SVIL: variants seen among roughly 807,000 people sequenced by gnomAD.
The protein encoded by SVIL is supervillin, also known as archvillin.
Under a neutral mutation model 240.4 loss-of-function variants are expected in SVIL, and 101 were observed. That is an observed-to-expected ratio of 0.42 (90% CI 0.36 to 0.50). The LOEUF is 0.50. Among genes scored for constraint, SVIL ranks in the 20% least tolerant of loss-of-function variants. The pLI, the probability that SVIL is intolerant of heterozygous loss-of-function variation, is 0.01. For missense variants in SVIL, 2,512 were observed against 2,818.7 expected, an observed-to-expected ratio of 0.89 and a Z score of 2.46; for synonymous variants, 999 against 1,100.0, an observed-to-expected ratio of 0.91 and a Z score of 1.82.
At chr10:29,545,853 C>CAAAAAAAAAAAAAAAAAAAAAAAAAA (rs755360700) in intron 6 of SVIL, among the ~76,000 whole-genome samples, 2 of 63,590 alleles carry the variant, frequency 3.1e-5, no homozygotes, top group African/African-American at 6.9e-5. Flanking sequence ...GACTCTGTCT[C>CAAAAAAAAAAAAAAAAAAAAAAAAAA]AAAAAAAAAA....
At chr10:29,682,994 T>C (rs1960782192) in intron 2 of SVIL, among the ~76,000 whole-genome samples, 1 of 152,124 alleles carries the variant, frequency 6.6e-6, no homozygotes, top group Non-Finnish European at 1.5e-5. Flanking sequence ...CTGAGCCAAA[T>C]ATGAGTGGCC....
intron 30 of SVIL, among the ~76,000 whole-genome samples, chr10:29,472,206 G>A (rs901977295): frequency 2.6e-5 from 4 of 152,234 alleles, no homozygotes; most frequent in Admixed American, 2.6e-4. Context: ...TCAAAACTCT[G>A]AGGATGATTT....
intron 10 of SVIL, 94 bp downstream of exon 10, chr10:29,531,160 A>T: frequency 8.2e-7 from 1 of 1,224,078 alleles, no homozygotes; most frequent in East Asian, 2.4e-5. Flanking sequence ...GTTATGCTCC[A>T]TCATCTTACT....
At chr10:29,571,311 G>A (rs1219198210) in intron 1 of SVIL, among the ~76,000 whole-genome samples, 16 of 152,190 alleles carry the variant, frequency 1.1e-4, no homozygotes, top group Admixed American at 1.0e-3. Flanking sequence ...GATGACCAAG[G>A]CAAAGCCATG....
intron 16 of SVIL, among the ~76,000 whole-genome samples, chr10:29,517,670 C>T (rs1320137718): frequency 6.6e-6 from 1 of 152,116 alleles, no homozygotes; most frequent in Non-Finnish European, 1.5e-5. Context: ...GCCGGTCCCT[C>T]TAGGGCAGAA....
At chr10:29,586,042 A>G (rs1232433073) in intron 1 of SVIL, among the ~76,000 whole-genome samples, 1 of 152,246 alleles carries the variant, frequency 6.6e-6, no homozygotes, top group Non-Finnish European at 1.5e-5. Context: ...TGCCGTCTTC[A>G]CTAACTTTCA....
intron 3 of SVIL, among the ~76,000 whole-genome samples, chr10:29,642,415 G>T (rs1027680832): frequency 7.4e-6 from 1 of 134,350 alleles, no homozygotes; most frequent in Non-Finnish European, 1.6e-5. Flanking sequence ...AAGAGAGAGA[G>T]TGAGAAAGAA....
rs918859686 is a variant in SVIL, at chr10:29,606,518, C to T, written c.-201+27902G>A. 1.3e-5 allele frequency among the ~76,000 whole-genome samples: 2 copies of T among 152,118 alleles called. 1 individual carries two copies. The highest frequency in any genetic ancestry group is 2.9e-5 in the Non-Finnish European group (2 of 68,026). On this transcript the variant is annotated intron_variant, in intron 1 of 37. Transcript: ENST00000355867. ...CTCAACAAAATTATTTTAAAGTACA[C>T]CCAAAATATCAACTCATTTTACCTC...
At chr10:29,637,330 C>A (rs1262122729), upstream of SVIL, among the ~76,000 whole-genome samples, 2 of 151,924 alleles carry the variant, frequency 1.3e-5, no homozygotes, top group African/African-American at 2.4e-5. Context: ...ATCAAAAATA[C>A]AGAAAAATTA....
intron 1 of SVIL, among the ~76,000 whole-genome samples, chr10:29,713,262 CTGTGTGTGTGTG>C (rs10647219): frequency 6.7e-6 from 1 of 148,468 alleles, no homozygotes; most frequent in African/African-American, 2.5e-5. Context: ...GTACATGCCT[CTGTGTGTGTGTG>C]TGTGTGTGTG....
At chr10:29,655,263 C>T (rs1163397706) in intron 3 of SVIL, among the ~76,000 whole-genome samples, 3 of 152,222 alleles carry the variant, frequency 2.0e-5, no homozygotes, top group Non-Finnish European at 4.4e-5. Flanking sequence ...AGTCCTAAAG[C>T]CTCAAAACTG....
chr10:29,562,771 A>G lies in SVIL; in HGVS notation c.-51+430T>C, dbSNP rs1295917190. Among the ~76,000 whole-genome samples the G allele has an allele frequency of 6.5e-4, 8 of 12,382 alleles. No individual in the cohort carries two copies. In the South Asian group the frequency reaches 7.8e-3, roughly 12 times the overall value. The allele number at this position is 12,382 out of a possible 152,430, so 8.1% of individuals were successfully genotyped here. ...GCGAGACTCCGTCTCAAAAAAAAGA[A>G]AAAAAAAAAAAAAAAAAAAAAAAAA... On this transcript the variant is annotated intron_variant, in intron 3 of 37. Coordinates refer to ENST00000355867, the MANE Select transcript of SVIL (RefSeq NM_021738.3).
chr10:29,648,895 T>C (rs1400874087), intron 3 of SVIL, among the ~76,000 whole-genome samples: 1 of 151,950 alleles, frequency 6.6e-6, no homozygotes, highest in Non-Finnish European at 1.5e-5. Context: ...CCAAGCACTT[T>C]AGGAGGCCAA....
chr10:29,520,149 A>C (rs1950467706), intron 16 of SVIL, among the ~76,000 whole-genome samples: 2 of 152,238 alleles, frequency 1.3e-5, no homozygotes, highest in Non-Finnish European at 2.9e-5. Context: ...AATATTCCCA[A>C]AGATGGGAAG....
chr10:29,579,988 C>T (rs1472771479), intron 1 of SVIL, among the ~76,000 whole-genome samples: 6 of 151,924 alleles, frequency 3.9e-5, no homozygotes, highest in African/African-American at 1.5e-4. Context: ...AGTGCCTGAC[C>T]TAGGATAGAT....
chr10:29,523,414 G>A, intron 15 of SVIL, 37 bp downstream of exon 15: 1 of 1,535,348 alleles, frequency 6.5e-7, no homozygotes, highest in Non-Finnish European at 8.8e-7. Context: ...CTAAAACCCA[G>A]TGGCTTTCTA....
At chr10:29,668,119 C>A (rs763975542) in intron 2 of SVIL, among the ~76,000 whole-genome samples, 12 of 152,116 alleles carry the variant, frequency 7.9e-5, no homozygotes, top group Non-Finnish European at 1.5e-4. Flanking sequence ...ATAAAGCTCC[C>A]TTAGCCATAT....
intron 1 of SVIL, among the ~76,000 whole-genome samples, chr10:29,691,973 T>C (rs895622677): frequency 1.3e-5 from 2 of 152,114 alleles, no homozygotes; most frequent in Non-Finnish European, 2.9e-5. Context: ...CATCTGGAAG[T>C]TGGATCAGCC....
At chr10:29,584,959 T>A (rs1206644342) in intron 1 of SVIL, among the ~76,000 whole-genome samples, 1 of 152,212 alleles carries the variant, frequency 6.6e-6, no homozygotes, top group Non-Finnish European at 1.5e-5. Context: ...GAGAGTGCAG[T>A]GCTGCAATCA....
Sources: allele counts gnomAD v4.1 joint callset (sites outside exome capture counted in the v4.1 genomes callset), GRCh38; gene constraint gnomAD v4.1.1; transcripts MANE v1.5; gene names NCBI Gene and HGNC (gene_info 2026-07-23, HGNC 2026-07-21).